Variants in IGLL1 observed in about 807,000 individuals in gnomAD.
The protein encoded by IGLL1 is immunoglobulin lambda-like polypeptide 1.
In IGLL1, 10 loss-of-function variants were observed where a neutral mutation model predicts 10.5. That is an observed-to-expected ratio of 0.95 (90% CI 0.59 to 1.62). The LOEUF is 1.62. Ranked by LOEUF, IGLL1 falls within the 40% of genes most tolerant of loss-of-function variation. The probability of loss-of-function intolerance (pLI) is 0.00; values close to 1 mark genes in which losing one functional copy is unlikely to be tolerated. For synonymous variants in IGLL1, 141 were observed against 122.7 expected (o/e 1.15, Z -0.99); for missense variants, 284 against 278.7 (o/e 1.02, Z -0.14).
chr22:23,573,445 G>A lies in IGLL1; in HGVS notation c.463C>T (p.Pro155Ser), dbSNP rs767982337. The A allele has an allele frequency of 6.2e-7, 1 of 1,613,806 alleles. No individual in the cohort carries two copies. Among genetic ancestry groups the A allele is most frequent in the African/African-American group, 1.3e-5 (1 of 74,888 alleles). ...GTCATCTCCACGCCCTGGGTGATGG[G>A]GGTACCATCTGCCTTCCAGGTCACC... ...LTVTWKADGT[P>S]ITQGVEMTTP... The change falls in exon 3 of 3, where the codon CCC (proline) becomes TCC (serine). Residue 155 changes from proline to serine, a missense_variant. By Grantham distance (74) the Pro-to-Ser change is moderately conservative. Transcript: ENST00000330377.
chr22:23,573,302 G>C lies in IGLL1; in HGVS notation c.606C>G (p.Thr202=), dbSNP rs776330273. 25 of 1,613,850 alleles carry C rather than the reference G, an allele frequency of 1.5e-5. No individual in the cohort carries two copies. Among genetic ancestry groups the C allele is most frequent in the Non-Finnish European group, 2.1e-5 (25 of 1,179,940 alleles). The change falls in exon 3 of 3, where the codon ACC becomes ACG. Residue 202 remains threonine (T), a synonymous_variant. Coordinates refer to ENST00000330377, the MANE Select transcript of IGLL1 (RefSeq NM_020070.4). ...YSCQVMHEGS[T]VEKTVAPAEC... is the part of the protein sequence containing the mutation. ...CTGCAGGGGCCACCGTCTTCTCCAC[G>C]GTGCTCCCTTCGTGCATGACCTGGC... is the stretch of plus-strand genomic sequence containing the variant.
chr22:23,576,716 G>A (rs1459276127), intron 1 of IGLL1, among the ~76,000 whole-genome samples: 2 of 152,160 alleles, frequency 1.3e-5, no homozygotes, highest in Non-Finnish European at 2.9e-5. Context: ...ATAGGTGTGA[G>A]CCACCACACC....
chr22:23,573,601 A>C lies in IGLL1; in HGVS notation c.323-16T>G. On this transcript the variant is annotated splice_polypyrimidine_tract_variant and intron_variant, in intron 2 of 2. Transcript: ENST00000330377. ...TTGGGCTGACCTGTGTGGACAGAGG[A>C]GGGGGTGAGAGATGGCAGAGGGAGT... 6.3e-7 allele frequency: 1 copy of C among 1,591,632 alleles called. No individual in the cohort carries two copies. The highest frequency in any genetic ancestry group is 8.6e-7 in the Non-Finnish European group (1 of 1,159,852).
intron 2 of IGLL1, among the ~76,000 whole-genome samples, chr22:23,574,027 C>T (rs1429206974): frequency 1.3e-5 from 2 of 151,836 alleles, no homozygotes; most frequent in African/African-American, 4.9e-5. Flanking sequence ...GCCTGGCCCA[C>T]TCAGCTCTCC....
Position 23,575,639 on chromosome 22 carries a change from G to A in IGLL1, c.207-557C>T, listed in dbSNP as rs141333963. Among the ~76,000 whole-genome samples the A allele has an allele frequency of 4.8e-3, 728 of 152,096 alleles. 9 individuals are homozygous for A. The highest frequency in any genetic ancestry group is 0.031 in the Middle Eastern group (9 of 294). On this transcript the variant is annotated intron_variant, in intron 1 of 2. Coordinates refer to ENST00000330377, the MANE Select transcript of IGLL1 (RefSeq NM_020070.4). Reference sequence around the variant, plus strand: ...CTGTCTTTGCATCCATCTATCATCTGTCCATTCGTCCATCCATCTACCTGT... The same window carrying A: ...CTGTCTTTGCATCCATCTATCATCTATCCATTCGTCCATCCATCTACCTGT...
chr22:23,578,270 G>A (rs1173894683), intron 1 of IGLL1, among the ~76,000 whole-genome samples: 3 of 152,122 alleles, frequency 2.0e-5, no homozygotes, highest in Non-Finnish European at 4.4e-5. Flanking sequence ...TATTATCTGT[G>A]TCTCCCTCCA....
At chr22:23,576,789 C>A (rs186757669) in intron 1 of IGLL1, among the ~76,000 whole-genome samples, 28 of 152,132 alleles carry the variant, frequency 1.8e-4, no homozygotes, top group Non-Finnish European at 5.9e-5. Context: ...CGTACAGCTC[C>A]GTGGCACTAA....
intron 1 of IGLL1, among the ~76,000 whole-genome samples, chr22:23,578,808 A>G (rs1925187254): frequency 6.6e-6 from 1 of 151,956 alleles, no homozygotes. Context: ...AAAATACACA[A>G]AATTAGCCAG....
At chr22:23,575,672 T>C (rs1925023388) in intron 1 of IGLL1, among the ~76,000 whole-genome samples, 1 of 152,150 alleles carries the variant, frequency 6.6e-6, no homozygotes. Flanking sequence ...TGTCCGTCCA[T>C]CCATAAATCC....
At position 23,580,072 on chromosome 22, in the gene IGLL1, C is replaced by A. The variant is rs375103902; in HGVS notation, c.119G>T (p.Arg40Leu). ...GLAVVTHGLLRPTAASQSRAL... is the reference protein window; with the variant it reads ...GLAVVTHGLLLPTAASQSRAL... ...CCTGCTCTGCGATGCAGCTGTTGGG[C>A]GCAGCAGGCCATGGGTTACCACGGC... The change falls in exon 1 of 3, where the codon CGC (arginine) becomes CTC (leucine). Residue 40 changes from arginine to leucine, a missense_variant. By Grantham distance (102) the Arg-to-Leu change is moderately radical. Transcript: ENST00000330377. 1.3e-6 allele frequency: 2 copies of A among 1,572,528 alleles called. No individual in the cohort carries two copies. The highest frequency in any genetic ancestry group is 1.7e-6 in the Non-Finnish European group (2 of 1,161,500).
At position 23,580,014 on chromosome 22, in the gene IGLL1, G is replaced by T; in HGVS notation, c.177C>A (p.Ser59Arg). 6.3e-7 allele frequency: 1 copy of T among 1,584,822 alleles called. No individual in the cohort carries two copies. Among genetic ancestry groups the T allele is most frequent in the South Asian group, 1.1e-5 (1 of 87,634 alleles). Reference protein sequence around the residue: ...ALGPGAPGGSSRSSLRSRWGR... With the variant: ...ALGPGAPGGSRRSSLRSRWGR... ...CCCACCGGCTCCTCAGGCTGGACCG[G>T]CTGCTTCCTCCAGGGGCTCCAGGGC... Residue 59 changes from serine to arginine, a missense_variant, in exon 1 of 3, where the codon AGC becomes AGA. Transcript: ENST00000330377.
chr22:23,573,606 G>C (rs1924905524), intron 2 of IGLL1, 21 bp from the exon 3 acceptor site: 1 of 1,572,128 alleles, frequency 6.4e-7, no homozygotes, highest in Non-Finnish European at 8.8e-7. Context: ...AGAGGAGGGG[G>C]TGAGAGATGG....
At chr22:23,577,448 TGAAA>T (rs1369043175) in intron 1 of IGLL1, among the ~76,000 whole-genome samples, 1 of 151,680 alleles carries the variant, frequency 6.6e-6, no homozygotes, top group East Asian at 1.9e-4. Flanking sequence ...TTAAAAACAA[TGAAA>T]ATATCTTTTA....
chr22:23,573,625 G>T (rs113285767), intron 2 of IGLL1, 40 bp from the exon 3 acceptor site: 3 of 1,485,126 alleles, frequency 2.0e-6, no homozygotes, highest in East Asian at 2.3e-5. Context: ...GGCAGAGGGA[G>T]TGTGGGGTGT....
Position 23,580,278 on chromosome 22 carries a change from G to T in IGLL1, c.-88C>A. On this transcript the variant is annotated 5_prime_UTR_variant, in exon 1 of 3. The change creates a new upstream start codon in the 5' untranslated region. Transcript: ENST00000330377. ...GCCCTGGTCCCTCTCGCTGGCAGCA[G>T]CTGTCCCATTGCACCCCAGTCCATG... 6.6e-7 allele frequency: 1 copy of T among 1,525,952 alleles called. No homozygotes were observed. Among genetic ancestry groups the T allele is most frequent in the Non-Finnish European group, 8.8e-7 (1 of 1,140,620 alleles). The allele number at this position is 1,525,952 out of a possible 1,614,324, so 94.5% of individuals were successfully genotyped here. A position where few individuals can be genotyped will look rare whatever the true frequency, so the allele number is the denominator to read the frequency against.
intron 2 of IGLL1, 62 bp downstream of exon 2, chr22:23,574,905 A>T: frequency 8.5e-7 from 1 of 1,175,386 alleles, no homozygotes; most frequent in Non-Finnish European, 1.3e-6. Flanking sequence ...CCCCAGAGAG[A>T]GAAAACACAT....
chr22:23,578,375 G>T (rs561681581), intron 1 of IGLL1, among the ~76,000 whole-genome samples: 1 of 152,020 alleles, frequency 6.6e-6, no homozygotes, highest in Non-Finnish European at 1.5e-5. Context: ...CTCCTCACCC[G>T]GCCCCCGCTC....
intron 2 of IGLL1, among the ~76,000 whole-genome samples, chr22:23,574,052 C>T (rs1301631369): frequency 6.6e-6 from 1 of 151,734 alleles, no homozygotes; most frequent in Admixed American, 6.5e-5. Flanking sequence ...GAAGCGTGGG[C>T]TCCACCCAGA....
At chr22:23,579,031 G>T (rs1471899991) in intron 1 of IGLL1, among the ~76,000 whole-genome samples, 1 of 152,054 alleles carries the variant, frequency 6.6e-6, no homozygotes, top group Admixed American at 6.6e-5. Flanking sequence ...GTGTCCGCTC[G>T]ATCAGCTTAG....
Sources: allele counts gnomAD v4.1 joint callset (sites outside exome capture counted in the v4.1 genomes callset), GRCh38; gene constraint gnomAD v4.1.1; transcripts MANE v1.5; gene names NCBI Gene and HGNC (gene_info 2026-07-23, HGNC 2026-07-21).